Variants in UMOD observed in about 807,000 individuals in gnomAD.
UMOD encodes uromodulin.
In UMOD, 64 loss-of-function variants were observed where a neutral mutation model predicts 66.0. The ratio of observed to expected loss-of-function variants is 0.97; its 90% CI spans 0.79 to 1.19. UMOD has a LOEUF of 1.19. UMOD is among the 50% of genes most tolerant of loss of function. UMOD has a pLI of 0.00. For synonymous variants in UMOD, 398 were observed against 352.7 expected, an observed-to-expected ratio of 1.13 and a Z score of -1.44; for missense variants, 764 against 850.9, an observed-to-expected ratio of 0.90 and a Z score of 1.27.
At position 20,337,294 on chromosome 16, in the gene UMOD, C is replaced by T; in HGVS notation, c.1737G>A (p.Lys579=). Residue 579 remains lysine (K), a synonymous_variant, in exon 8 of 11, where the codon AAG becomes AAA. Transcript: ENST00000396138. ...YLCDTMNEKC[K]PTCSGTRFRS... is the part of the protein sequence containing the mutation. Reference sequence around the variant, plus strand: ...TGGGGGAGGGGAGTCAACTCACAGGCTTGCACTTTTCATTCATGGTGTCAC... The same window carrying T: ...TGGGGGAGGGGAGTCAACTCACAGGTTTGCACTTTTCATTCATGGTGTCAC... 3 of 1,614,164 alleles carry T rather than the reference C, an allele frequency of 1.9e-6. No individual in the cohort carries two copies. The highest frequency in any genetic ancestry group is 2.5e-6 in the Non-Finnish European group (3 of 1,180,018).
At position 20,333,413 on chromosome 16, in the gene UMOD, G is replaced by A. The variant is rs199562069; in HGVS notation, c.1862-38C>T. ...CAGTGACAGGGCAACTGCTAGTACT[G>A]CTGTACTTTTGTGCAAATTAACATA... On this transcript the variant is annotated intron_variant, in intron 10 of 10. Transcript: ENST00000396138. 2.2e-3 allele frequency: 3,454 copies of A among 1,586,314 alleles called. 4 individuals carry two copies. Among genetic ancestry groups the A allele is most frequent in the Non-Finnish European group, 2.7e-3 (3,156 of 1,162,228 alleles).
intron 5 of UMOD, among the ~76,000 whole-genome samples, chr16:20,345,505 T>TCC (rs1325571694): frequency 2.1e-5 from 1 of 48,588 alleles, no homozygotes; most frequent in Non-Finnish European, 4.9e-5. Context: ...CCTCCCTCCC[T>TCC]TCCTTCCTTC....
chr16:20,341,300 G>T lies in UMOD; in HGVS notation c.1368C>A (p.Phe456Leu). 6.2e-7 allele frequency: 1 copy of T among 1,614,070 alleles called. No individual in the cohort carries two copies. The part of the protein sequence containing the change: ...LNIRVGGTGM[F>L]TVRMALFQTP... Reference sequence around the variant, plus strand: ...TCTGGAAGAGCGCCATCCGCACGGTGAACATGCCGGTCCCGCCCACTCTGA... The same window carrying T: ...TCTGGAAGAGCGCCATCCGCACGGTTAACATGCCGGTCCCGCCCACTCTGA... The change falls in exon 7 of 11, where the codon TTC becomes TTA. Residue 456 changes from phenylalanine to leucine, a missense_variant. Physicochemically the swap from Phe to Leu is conservative, Grantham distance 22 (BLOSUM62 0). Transcript: ENST00000396138.
Position 20,333,231 on chromosome 16 carries a change from G to T in UMOD, c.*83C>A. On this transcript the variant is annotated 3_prime_UTR_variant, in exon 11 of 11. Transcript: ENST00000396138. ...CAAAGCATGAACTTTCTTTTCTGTG[G>T]CTGGAGCACTGGCCCGCATCATGCC... 3 of 1,379,306 alleles carry T rather than the reference G, an allele frequency of 2.2e-6. No individual in the cohort carries two copies. The highest frequency in any genetic ancestry group is 1.2e-5 in the South Asian group (1 of 82,696). 85.4% of individuals were successfully genotyped at this position (1,379,306 alleles called of 1,614,324 possible). A position where few individuals can be genotyped will look rare whatever the true frequency, so the allele number is the denominator to read the frequency against.
At position 20,350,809 on chromosome 16, in the gene UMOD, A is replaced by AT; in HGVS notation, c.-73dup. 9 of 1,602,152 alleles carry AT rather than the reference A, an allele frequency of 5.6e-6. No individual in the cohort carries two copies. The highest frequency in any genetic ancestry group is 5.1e-6 in the Non-Finnish European group (6 of 1,174,336). On this transcript the variant is annotated 5_prime_UTR_variant, in exon 2 of 11. Coordinates refer to ENST00000396138, the MANE Select transcript of UMOD (RefSeq NM_003361.4). The stretch of plus-strand genomic sequence containing the variant: ...AAGGAAAGACGGGTTGGCCCTTTGA[A>AT]TTTTTCTCTCTGTCTCTGATGTCTG...
chr16:20,338,927 T>A (rs1965033010), intron 7 of UMOD, among the ~76,000 whole-genome samples: 1 of 151,200 alleles, frequency 6.6e-6, no homozygotes, highest in African/African-American at 2.4e-5. Flanking sequence ...GCCTGTCTAA[T>A]TTTTTTGTAT....
chr16:20,334,076 C>T (rs1433150699), intron 10 of UMOD, among the ~76,000 whole-genome samples: 1 of 149,998 alleles, frequency 6.7e-6, no homozygotes, highest in Non-Finnish European at 1.5e-5. Flanking sequence ...GTAAGAACCT[C>T]CTTGGATCCA....
chr16:20,341,007 AAAG>A, intron 7 of UMOD, 81 bp downstream of exon 7: 40 of 1,438,820 alleles, frequency 2.8e-5, no homozygotes, highest in South Asian at 2.2e-4. Flanking sequence ...AAAAAAAAAA[AAAG>A]ATGCAATTTT....
In UMOD at chr16:20,336,652, G is replaced by A. The variant is rs776082252; in HGVS notation, c.1816C>T (p.Arg606Trp). ...GAGCGAGTGGCTCTCTTACCTTTCC[G>A]TGTGATGGGACCCAAGTTCAGGACA... ...SRVLNLGPIT[R>W]KGVQATVSRA... The change falls in exon 9 of 11, where the codon CGG (arginine) becomes TGG (tryptophan). Residue 606 changes from arginine to tryptophan, a missense_variant. Coordinates refer to ENST00000396138, the MANE Select transcript of UMOD (RefSeq NM_003361.4). 6.2e-6 allele frequency: 10 copies of A among 1,613,834 alleles called. No homozygotes were observed. Among genetic ancestry groups the A allele is most frequent in the Middle Eastern group, 1.7e-4 (1 of 6,058 alleles).
chr16:20,348,208 C>A lies in UMOD; in HGVS notation c.973+15G>T, dbSNP rs1334273114. The A allele has an allele frequency of 3.1e-6, 5 of 1,612,028 alleles. No individual in the cohort carries two copies. Among genetic ancestry groups the A allele is most frequent in the Non-Finnish European group, 3.4e-6 (4 of 1,178,640 alleles). Reference sequence around the variant, plus strand: ...CAGGTTTCTCAACAACCCGCTTCCTCCCCACTGGCCTCACCAGTGATGTTG... The same window carrying A: ...CAGGTTTCTCAACAACCCGCTTCCTACCCACTGGCCTCACCAGTGATGTTG... On this transcript the variant is annotated intron_variant, in intron 4 of 10. Coordinates refer to ENST00000396138, the MANE Select transcript of UMOD (RefSeq NM_003361.4).
intron 2 of UMOD, 74 bp downstream of exon 2, chr16:20,350,576 A>G (rs1965840298): frequency 6.4e-7 from 1 of 1,566,234 alleles, no homozygotes; most frequent in Non-Finnish European, 8.7e-7. Flanking sequence ...GACAGGTGCT[A>G]CATTGCTTCC....
At position 20,348,887 on chromosome 16, in the gene UMOD, G is replaced by C; in HGVS notation, c.414C>G (p.Pro138=). The C allele has an allele frequency of 3.2e-6, 5 of 1,553,636 alleles. No individual in the cohort carries two copies. Among genetic ancestry groups the C allele is most frequent in the Non-Finnish European group, 4.3e-6 (5 of 1,149,548 alleles). Residue 138 remains proline, a synonymous_variant, in exon 3 of 11, where the codon CCC becomes CCG. Transcript: ENST00000396138. The part of the protein sequence containing the change: ...NVVGSYLCVC[P]AGYRGDGWHC... ...GCCATCCATCCCCCCGGTAGCCCGC[G>C]GGGCATACGCACAAGTAGCTGCCCA...
chr16:20,344,116 G>T lies in UMOD; in HGVS notation c.1239C>A (p.Ile413=). 2 of 1,533,458 alleles carry T rather than the reference G, an allele frequency of 1.3e-6. No individual in the cohort carries two copies. Among genetic ancestry groups the T allele is most frequent in the Non-Finnish European group, 1.8e-6 (2 of 1,129,062 alleles). The allele number at this position is 1,533,458 out of a possible 1,614,324, so 95.0% of individuals were successfully genotyped here. Residue 413 remains isoleucine (I), a synonymous_variant, in exon 6 of 11, where the codon ATC becomes ATA. Coordinates refer to ENST00000396138, the MANE Select transcript of UMOD (RefSeq NM_003361.4). The part of the protein sequence containing the change: ...SNTLYLADEI[I]IRDLNIKINF... ...TGATTTTGATGTTGAGGTCACGGAT[G>T]ATGATCTCATCTGCCAGGTAGAGGG...
chr16:20,338,842 C>T (rs1032537113), intron 7 of UMOD, among the ~76,000 whole-genome samples: 25 of 152,172 alleles, frequency 1.6e-4, no homozygotes, highest in African/African-American at 5.8e-4. Context: ...TCACTGCAAC[C>T]TCTGCCTCCT....
intron 5 of UMOD, among the ~76,000 whole-genome samples, chr16:20,345,400 TTTTCTTTC>T (rs797021829): frequency 2.6e-4 from 20 of 78,040 alleles, no homozygotes; most frequent in Admixed American, 1.4e-3. Context: ...TTTTCTTTTT[TTTTCTTTC>T]TTTCTTTCTT....
upstream of UMOD, among the ~76,000 whole-genome samples, chr16:20,355,166 C>T (rs1966011180): frequency 6.6e-6 from 1 of 152,106 alleles, no homozygotes; most frequent in African/African-American, 2.4e-5. Flanking sequence ...GCCCCTCTGC[C>T]CAGTGTGGTG....
At position 20,348,806 on chromosome 16, in the gene UMOD, G is replaced by A. The variant is rs1448195454; in HGVS notation, c.495C>T (p.Gly165=). The A allele has an allele frequency of 8.4e-6, 13 of 1,544,976 alleles. No individual in the cohort carries two copies. The highest frequency in any genetic ancestry group is 2.4e-5 in the East Asian group (1 of 40,906). The change falls in exon 3 of 11, where the codon GGC becomes GGT. Residue 165 remains glycine, a synonymous_variant. Transcript: ENST00000396138. ...CGPGLDCVPE[G]DALVCADPCQ... ...ACGGATCCGCGCACACGAGCGCGTC[G>A]CCCTCGGGCACGCAGTCCAACCCCG...
rs143965681 is a variant in UMOD at position 20,348,968 on chromosome 16, C to T, written c.333G>A (p.Glu111=). 2.1e-4 allele frequency: 330 copies of T among 1,573,820 alleles called. 1 individual carries two copies. The African/African-American group carries it at 4.2e-3, about 20-fold the overall frequency. The change falls in exon 3 of 11, where the codon GAG becomes GAA. Residue 111 remains glutamate, a synonymous_variant. Coordinates refer to ENST00000396138, the MANE Select transcript of UMOD (RefSeq NM_003361.4). ...AGTGGCTAAGCCCAGGCTCAGCGCACTCATCCACGTCTGTGCAGCCGAGAC... is the reference window on the plus strand; with the variant it reads ...AGTGGCTAAGCCCAGGCTCAGCGCATTCATCCACGTCTGTGCAGCCGAGAC... ...SPGLGCTDVD[E]CAEPGLSHCH...
At chr16:20,336,621 G>A (rs745629449) in intron 9 of UMOD, 25 bp downstream of exon 9, 3 of 1,609,080 alleles carry the variant, frequency 1.9e-6, no homozygotes, top group Admixed American at 1.7e-5. Flanking sequence ...AGCCAGGAAT[G>A]TTGAGGAGCG....
Sources: gnomAD v4.1 joint callset for allele counts (sites outside exome capture counted in the v4.1 genomes callset) on GRCh38, gnomAD v4.1.1 for gene constraint, MANE v1.5 for transcripts, NCBI Gene and HGNC (gene_info 2026-07-23, HGNC 2026-07-21) for gene names.